CNTN4: variants seen among roughly 807,000 people sequenced by gnomAD.
CNTN4 encodes contactin 4.
Under a neutral mutation model 122.5 loss-of-function variants are expected in CNTN4, and 77 were observed. The ratio of observed to expected loss-of-function variants is 0.63; its 90% CI spans 0.52 to 0.76. CNTN4 has a LOEUF of 0.76. Ranked by LOEUF, CNTN4 falls within the 30% of genes least tolerant of loss-of-function variation. The pLI is 0.00. For synonymous variants in CNTN4, 512 were observed against 447.0 expected (o/e 1.15, Z -1.83); for missense variants, 1,256 against 1,259.1 (o/e 1.00, Z 0.04).
In CNTN4 at chr3:2,902,797, G is replaced by A. The variant is rs551097206; in HGVS notation, c.1078-79G>A. The A allele has an allele frequency of 2.3e-5, 34 of 1,461,476 alleles. No individual in the cohort carries two copies. In the African/African-American group the frequency reaches 2.4e-4, roughly 10 times the overall value. The allele number at this position is 1,461,476 out of a possible 1,614,324, so 90.5% of individuals were successfully genotyped here. On this transcript the variant is annotated intron_variant, in intron 11 of 24. Transcript: ENST00000418658. Reference sequence around the variant, plus strand: ...TGTTTTCTTCCCATTAAGCTTCCTTGATATTACACATGGTAAAATTGCCTT... The same window carrying A: ...TGTTTTCTTCCCATTAAGCTTCCTTAATATTACACATGGTAAAATTGCCTT...
At chr3:2,164,846 G>C (rs76428962) in intron 2 of CNTN4, among the ~76,000 whole-genome samples, 2 of 152,044 alleles carry the variant, frequency 1.3e-5, no homozygotes, top group African/African-American at 4.8e-5. Context: ...TTCTGCAAAT[G>C]TACTGTTTAA....
At chr3:2,521,655 G>C (rs1010356879) in intron 3 of CNTN4, among the ~76,000 whole-genome samples, 7 of 151,970 alleles carry the variant, frequency 4.6e-5, no homozygotes, top group Non-Finnish European at 1.0e-4. Context: ...TCATTTCACC[G>C]TATAAAAAGA....
Position 2,156,397 on chromosome 3 carries a change from T to C in CNTN4, c.-145+55758T>C, listed in dbSNP as rs544824498. 2.0e-5 allele frequency among the ~76,000 whole-genome samples: 3 copies of C among 152,240 alleles called. No individual in the cohort carries two copies. In the East Asian group the frequency reaches 5.8e-4, roughly 29 times the overall value. ...TATACAGCAGAGTTCATTGCAGCAATGGTCCCGCGCCTTCCTCAGCAGCGT... is the reference window on the plus strand; with the variant it reads ...TATACAGCAGAGTTCATTGCAGCAACGGTCCCGCGCCTTCCTCAGCAGCGT... On this transcript the variant is annotated intron_variant, in intron 2 of 24. Coordinates refer to ENST00000418658, the MANE Select transcript of CNTN4 (RefSeq NM_175607.3).
At chr3:2,963,027 C>T (rs533048744) in intron 13 of CNTN4, among the ~76,000 whole-genome samples, 4 of 152,254 alleles carry the variant, frequency 2.6e-5, no homozygotes, top group Admixed American at 2.6e-4. Flanking sequence ...CTCCCGCATT[C>T]TGGATGCCGT....
intron 4 of CNTN4, among the ~76,000 whole-genome samples, chr3:2,598,406 A>G (rs992993282): frequency 3.9e-5 from 6 of 152,172 alleles, no homozygotes; most frequent in African/African-American, 1.4e-4. Context: ...AAAGAGGGAA[A>G]AAATCAAAGC....
At chr3:2,170,178 G>T (rs374684750) in intron 2 of CNTN4, among the ~76,000 whole-genome samples, 4 of 140,070 alleles carry the variant, frequency 2.9e-5, no homozygotes, top group South Asian at 2.1e-4. Flanking sequence ...AAAATTAGCC[G>T]GGCGTGGTGG....
At chr3:2,121,082 C>CCCTT (rs111625018) in intron 2 of CNTN4, among the ~76,000 whole-genome samples, 1,947 of 135,488 alleles carry the variant, frequency 0.014, 16 homozygotes, top group Non-Finnish European at 0.022. Context: ...CTTCCTCCCT[C>CCCTT]CCTTCCTTCC....
Position 2,642,630 on chromosome 3 carries a change from A to G in CNTN4, c.55+71072A>G, listed in dbSNP as rs9813374. ...CAGGTATATGTATACATTCTTGTGT[A>G]TATTGGTATTATAGCCAAATCTAAT... On this transcript the variant is annotated intron_variant, in intron 4 of 24. Coordinates refer to ENST00000418658, the MANE Select transcript of CNTN4 (RefSeq NM_175607.3). Among the ~76,000 whole-genome samples the G allele has an allele frequency of 0.44, 67,618 of 152,004 alleles. 15,973 individuals carry two copies. Among genetic ancestry groups the G allele is most frequent in the East Asian group, 0.71 (3,673 of 5,156 alleles).
chr3:2,705,388 C>T (rs1019964825), intron 4 of CNTN4, among the ~76,000 whole-genome samples: 5 of 134,880 alleles, frequency 3.7e-5, no homozygotes, highest in African/African-American at 1.4e-4. Flanking sequence ...AAAAAGAATT[C>T]TCAGCTGGTT....
chr3:2,880,706 T>C (rs2093898376), intron 8 of CNTN4, among the ~76,000 whole-genome samples: 1 of 152,200 alleles, frequency 6.6e-6, no homozygotes, highest in South Asian at 2.1e-4. Flanking sequence ...CCTACTTTTG[T>C]AGTGTTATTC....
intron 13 of CNTN4, among the ~76,000 whole-genome samples, chr3:2,936,449 C>T (rs1397511833): frequency 6.6e-6 from 1 of 152,164 alleles, no homozygotes; most frequent in Non-Finnish European, 1.5e-5. Flanking sequence ...AATGCACACT[C>T]AGGTATGACA....
At chr3:2,780,357 C>T (rs1033515407) in intron 6 of CNTN4, among the ~76,000 whole-genome samples, 2 of 152,142 alleles carry the variant, frequency 1.3e-5, no homozygotes, top group African/African-American at 2.4e-5. Flanking sequence ...ATTCCTTGCC[C>T]TCTCAGCCCT....
chr3:2,775,815 A>G (rs950614327), intron 6 of CNTN4, among the ~76,000 whole-genome samples: 2 of 152,076 alleles, frequency 1.3e-5, no homozygotes, highest in Non-Finnish European at 2.9e-5. Flanking sequence ...TTACTAAGCT[A>G]TTGTCTGTCT....
Position 2,270,222 on chromosome 3 carries a change from T to TA in CNTN4, c.-144-68955dup, listed in dbSNP as rs1047988539. 4.9e-5 allele frequency among the ~76,000 whole-genome samples: 2 copies of TA among 41,214 alleles called. 1 individual carries two copies. The highest frequency in any genetic ancestry group is 1.2e-4 in the African/African-American group (2 of 16,932). The allele number at this position is 41,214 out of a possible 152,430, so 27.0% of individuals were successfully genotyped here. ...CCTCGGCCTCCCAAAGTGCTGGGAT[T>TA]ACAGGCGTGAGCCACCGCGCCCGGC... On this transcript the variant is annotated intron_variant, in intron 2 of 24. Coordinates refer to ENST00000418658, the MANE Select transcript of CNTN4 (RefSeq NM_175607.3).
intron 3 of CNTN4, among the ~76,000 whole-genome samples, chr3:2,523,986 G>A (rs185817989): frequency 5.3e-4 from 81 of 152,090 alleles, no homozygotes; most frequent in African/African-American, 1.9e-3. Flanking sequence ...TTTTTTGAGT[G>A]GAATAATTAT....
chr3:2,193,827 C>A (rs1333774170), intron 2 of CNTN4, among the ~76,000 whole-genome samples: 1 of 152,016 alleles, frequency 6.6e-6, no homozygotes, highest in East Asian at 1.9e-4. Context: ...TTACAGTTGC[C>A]CACAGTATTT....
intron 13 of CNTN4, among the ~76,000 whole-genome samples, chr3:2,964,827 A>G (rs1394326886): frequency 6.6e-6 from 1 of 152,198 alleles, no homozygotes; most frequent in Non-Finnish European, 1.5e-5. Flanking sequence ...GAAGTCGCAC[A>G]ACTAGAAATT....
intron 8 of CNTN4, among the ~76,000 whole-genome samples, chr3:2,868,654 C>A (rs1420145961): frequency 6.6e-6 from 1 of 152,154 alleles, no homozygotes; most frequent in African/African-American, 2.4e-5. Context: ...TTCATTTATT[C>A]ATCCATTTAA....
chr3:2,217,851 G>C (rs1304201109), intron 2 of CNTN4, among the ~76,000 whole-genome samples: 4 of 152,160 alleles, frequency 2.6e-5, no homozygotes, highest in Admixed American at 2.6e-4. Context: ...GAGTATATTA[G>C]TTTAATAAAT....
Sources: allele counts gnomAD v4.1 joint callset (sites outside exome capture counted in the v4.1 genomes callset), GRCh38; gene constraint gnomAD v4.1.1; transcripts MANE v1.5; gene names NCBI Gene and HGNC (gene_info 2026-07-23, HGNC 2026-07-21).